The following MARK3 variants were observed in gnomAD, a reference collection of about 807,000 sequenced individuals.
MARK3 encodes the protein MAP/microtubule affinity-regulating kinase 3.
MARK3 carries 46 observed loss-of-function variants against 90.1 expected under a neutral mutation model. The ratio of observed to expected loss-of-function variants is 0.51; its 90% CI spans 0.40 to 0.65. MARK3 has a LOEUF of 0.65. MARK3 is among the 30% of genes least tolerant of loss of function. The pLI, the probability that MARK3 is intolerant of heterozygous loss-of-function variation, is 0.00. For synonymous variants in MARK3, 321 were observed against 332.6 expected (o/e 0.97, Z 0.38); for missense variants, 818 against 947.2 (o/e 0.86, Z 1.79).
intron 2 of MARK3, among the ~76,000 whole-genome samples, chr14:103,409,874 A>G (rs529519214): frequency 6.6e-6 from 1 of 152,316 alleles, no homozygotes; most frequent in African/African-American, 2.4e-5. Context: ...TGTTACAAAC[A>G]GATCTGCAGT....
intron 3 of MARK3, among the ~76,000 whole-genome samples, chr14:103,430,669 C>T (rs1253768818): frequency 1.3e-5 from 2 of 152,092 alleles, no homozygotes; most frequent in East Asian, 1.9e-4. Flanking sequence ...AGTGAACACA[C>T]GTGTTAAAAT....
At chr14:103,411,996 A>G in intron 2 of MARK3, 1 of 315,238 alleles carries the variant, frequency 3.2e-6, no homozygotes, top group Non-Finnish European at 5.7e-6. Flanking sequence ...GAATTTTAGA[A>G]TTAAGTTGCC....
chr14:103,420,396 A>AT (rs11414860), intron 2 of MARK3, among the ~76,000 whole-genome samples: 50,619 of 151,462 alleles, frequency 0.33, 8,783 homozygotes, highest in Middle Eastern at 0.45. Context: ...CATCCGGCTG[A>AT]TTTTTTGTAT....
At chr14:103,473,232 A>G (rs1206126539) in intron 12 of MARK3, among the ~76,000 whole-genome samples, 2 of 152,202 alleles carry the variant, frequency 1.3e-5, no homozygotes, top group Non-Finnish European at 2.9e-5. Flanking sequence ...GGTAGTCTAC[A>G]GGGTCTTTGA....
Position 103,385,949 on chromosome 14 carries a change from C to T in MARK3, c.-81C>T. ...CGCCTTTTCGGAACTGCCGTGGACT[C>T]GAGGACGCTGGTCGCCGGCCTCCTA... On this transcript the variant is annotated 5_prime_UTR_variant, in exon 1 of 18. Transcript: ENST00000429436. The T allele has an allele frequency of 8.4e-7, 1 of 1,187,284 alleles. No individual in the cohort carries two copies. Among genetic ancestry groups the T allele is most frequent in the Non-Finnish European group, 1.3e-6 (1 of 792,476 alleles). 73.5% of individuals were successfully genotyped at this position (1,187,284 alleles called of 1,614,324 possible).
In MARK3 at chr14:103,503,017, C is replaced by T. The variant is rs749659229; in HGVS notation, c.2052C>T (p.Asp684=). 5.0e-5 allele frequency: 81 copies of T among 1,614,248 alleles called. No individual in the cohort carries two copies. The highest frequency in any genetic ancestry group is 6.8e-5 in the Non-Finnish European group (80 of 1,180,044). ...TGCGGGAAATCCGCAAAGTGTTGGA[C>T]GCCAATAACTGCGACTATGAGCAGA... is the stretch of plus-strand genomic sequence containing the variant. ...DMMREIRKVL[D]ANNCDYEQRE... Residue 684 remains aspartate (D), a synonymous_variant, in exon 18 of 18, where the codon GAC becomes GAT. Coordinates refer to ENST00000429436, the MANE Select transcript of MARK3 (RefSeq NM_001128918.3).
intron 2 of MARK3, among the ~76,000 whole-genome samples, chr14:103,426,048 C>T (rs2092391956): frequency 2.0e-5 from 3 of 152,148 alleles, no homozygotes; most frequent in Admixed American, 2.0e-4. Context: ...TTCTGAGACC[C>T]TTTTAAGGAG....
chr14:103,473,165 G>A (rs752403705), intron 12 of MARK3, among the ~76,000 whole-genome samples: 2 of 152,196 alleles, frequency 1.3e-5, no homozygotes, highest in Admixed American at 6.5e-5. Flanking sequence ...GCAGGTTAGC[G>A]GTTGCAGGGG....
At chr14:103,499,232 G>A (rs2075517511) in intron 16 of MARK3, 1 of 152,154 alleles carries the variant, frequency 6.6e-6, no homozygotes, top group South Asian at 2.1e-4. Context: ...AGCACTTTGG[G>A]CGGATCACTT....
In MARK3 at chr14:103,451,896, C is replaced by T. The variant is rs531030871; in HGVS notation, c.347-22C>T. ...TACAGACATTTGTCTCTTTTTCTTC[C>T]GTGTCCTCTCCTCTCCCGCAGTGAA... is the stretch of plus-strand genomic sequence containing the variant. On this transcript the variant is annotated intron_variant, in intron 4 of 17. Coordinates refer to ENST00000429436, the MANE Select transcript of MARK3 (RefSeq NM_001128918.3). 1.0e-4 allele frequency: 162 copies of T among 1,577,908 alleles called. 2 individuals are homozygous for T. The South Asian group carries it at 1.4e-3, about 13-fold the overall frequency.
At chr14:103,500,754 C>G (rs148986188) in intron 17 of MARK3, among the ~76,000 whole-genome samples, 17 of 152,038 alleles carry the variant, frequency 1.1e-4, no homozygotes, top group African/African-American at 3.6e-4. Flanking sequence ...TCCTGAGTAT[C>G]TGGAACCACA....
chr14:103,403,489 G>A (rs1035637142), intron 1 of MARK3, among the ~76,000 whole-genome samples: 1 of 152,038 alleles, frequency 6.6e-6, no homozygotes, highest in African/African-American at 2.4e-5. Context: ...CATTTATTCA[G>A]CCATTCTAAT....
At chr14:103,490,717 C>T (rs193186898) in intron 14 of MARK3, 253 of 170,822 alleles carry the variant, frequency 1.5e-3, no homozygotes, top group Middle Eastern at 2.9e-3. Flanking sequence ...AACATGTAAT[C>T]TGCTATTTTA....
rs1252040008 is a variant in MARK3 at position 103,481,794 on chromosome 14, T to C, written c.1586+1304T>C. On this transcript the variant is annotated intron_variant, in intron 14 of 17. Transcript: ENST00000429436. ...TTTTTTTTTTTTTTTTGAGACAGAG[T>C]CTCACTCTGTCACCCAGGCTGGAGT... Among the ~76,000 whole-genome samples, 8 of 111,624 alleles carry C rather than the reference T, an allele frequency of 7.2e-5. No individual in the cohort carries two copies. The East Asian group carries it at 2.2e-3, about 31-fold the overall frequency. The allele number at this position is 111,624 out of a possible 152,430, so 73.2% of individuals were successfully genotyped here.
At chr14:103,467,823 A>G (rs2093543782) in intron 11 of MARK3, 1 of 429,388 alleles carries the variant, frequency 2.3e-6, no homozygotes, top group African/African-American at 2.0e-5. Context: ...GCCTGGAAAG[A>G]AAATCATAAA....
chr14:103,500,877 C>T (rs1204453090), intron 17 of MARK3, among the ~76,000 whole-genome samples: 1 of 152,192 alleles, frequency 6.6e-6, no homozygotes, highest in Non-Finnish European at 1.5e-5. Flanking sequence ...CCACCTCAAC[C>T]TCCCAAAGTG....
At chr14:103,391,876 G>A (rs2090275654) in intron 1 of MARK3, among the ~76,000 whole-genome samples, 1 of 151,940 alleles carries the variant, frequency 6.6e-6, no homozygotes. Context: ...CTTTTTAAAG[G>A]CAACCAAACA....
At chr14:103,410,663 C>G (rs980903286) in intron 2 of MARK3, among the ~76,000 whole-genome samples, 1 of 152,090 alleles carries the variant, frequency 6.6e-6, no homozygotes, top group African/African-American at 2.4e-5. Flanking sequence ...GATTGTACCG[C>G]TGTACTCCAG....
rs1440746341 is a variant in MARK3, at chr14:103,394,732, AT to A, written c.51+8653del. 2.0e-5 allele frequency among the ~76,000 whole-genome samples: 3 copies of A among 152,352 alleles called. No individual in the cohort carries two copies. In the East Asian group the frequency reaches 5.8e-4, roughly 29 times the overall value. ...CTGTATTGGTAGAATTTAATATAAA[AT>A]CAGAGAAGTTGAATTCACAGGTTTT... On this transcript the variant is annotated intron_variant, in intron 1 of 17. Coordinates refer to ENST00000429436, the MANE Select transcript of MARK3 (RefSeq NM_001128918.3).
Sources: allele counts gnomAD v4.1 joint callset (sites outside exome capture counted in the v4.1 genomes callset), GRCh38; gene constraint gnomAD v4.1.1; transcripts MANE v1.5; gene names NCBI Gene and HGNC (gene_info 2026-07-23, HGNC 2026-07-21).